RBM28: variants seen among roughly 807,000 people sequenced by gnomAD.
The protein encoded by RBM28 is RNA binding motif protein 28.
Under a neutral mutation model 98.3 loss-of-function variants are expected in RBM28, and 78 were observed. The ratio of observed to expected loss-of-function variants is 0.79; its 90% CI spans 0.66 to 0.96. The LOEUF (loss-of-function observed/expected upper bound fraction) is 0.96. Among genes scored for constraint, RBM28 ranks in the 40% least tolerant of loss-of-function variants. RBM28 has a pLI of 0.00. For synonymous variants in RBM28, 306 were observed against 330.9 expected, an observed-to-expected ratio of 0.92 and a Z score of 0.82; for missense variants, 838 against 913.0, an observed-to-expected ratio of 0.92 and a Z score of 1.06.
chr7:128,322,209 T>C (rs1438283960), intron 13 of RBM28, among the ~76,000 whole-genome samples: 1 of 152,214 alleles, frequency 6.6e-6, no homozygotes, highest in African/African-American at 2.4e-5. Context: ...CTTGACAGAA[T>C]GCTGTGTTGT....
At chr7:128,329,614 C>T (rs1362400194) in intron 10 of RBM28, among the ~76,000 whole-genome samples, 4 of 152,116 alleles carry the variant, frequency 2.6e-5, no homozygotes, top group South Asian at 2.1e-4. Flanking sequence ...AAGAACTTAA[C>T]GCCGGGCGCG....
chr7:128,323,389 C>T (rs1438373503), intron 13 of RBM28, 138 bp downstream of exon 13: 3 of 973,972 alleles, frequency 3.1e-6, no homozygotes, highest in Admixed American at 1.7e-5. Context: ...CACCTATGTG[C>T]TTTTCTCCCT....
intron 18 of RBM28, 84 bp from the exon 19 acceptor site, chr7:128,311,015 A>G: frequency 1.5e-6 from 2 of 1,370,926 alleles, no homozygotes; most frequent in South Asian, 2.3e-5. Flanking sequence ...CAAGAGAGAA[A>G]GTAAGTGGGA....
At chr7:128,312,502 G>A (rs1394170419) in intron 18 of RBM28, among the ~76,000 whole-genome samples, 1 of 152,120 alleles carries the variant, frequency 6.6e-6, no homozygotes, top group Admixed American at 6.5e-5. Flanking sequence ...CAAGTTAAAT[G>A]ACACCACAAA....
rs1319804757 is a variant in RBM28, at chr7:128,315,082, A to C, written c.1789-62T>G. 3 of 1,601,976 alleles carry C rather than the reference A, an allele frequency of 1.9e-6. No individual in the cohort carries two copies. In the African/African-American group the frequency reaches 4.0e-5, roughly 21 times the overall value. On this transcript the variant is annotated intron_variant, in intron 16 of 18. Transcript: ENST00000223073. Reference sequence around the variant, plus strand: ...TGAGCTTTGTTTGCTGCAAATACTCAGCAGAAGATGAGCTTTATGTGAGCT... The same window carrying C: ...TGAGCTTTGTTTGCTGCAAATACTCCGCAGAAGATGAGCTTTATGTGAGCT...
Position 128,339,640 on chromosome 7 carries a change from C to G in RBM28, c.270G>C (p.Gly90=). The change falls in exon 2 of 19, where the codon GGG becomes GGC. Residue 90 remains glycine (G), a synonymous_variant. Coordinates refer to ENST00000223073, the MANE Select transcript of RBM28 (RefSeq NM_018077.3). ...CAATTACTAGAAACTCACCATTTTT[C>G]CCCTTTTCCTTTGTCTTGTTCCTCA... ...KKLRNKTKEK[G]KNENSECPKK... is the part of the protein sequence containing the mutation. The G allele has an allele frequency of 6.2e-7, 1 of 1,613,998 alleles. No homozygotes were observed. The highest frequency in any genetic ancestry group is 8.5e-7 in the Non-Finnish European group (1 of 1,179,890).
At chr7:128,338,608 T>C in intron 4 of RBM28, 118 bp downstream of exon 4, 1 of 824,262 alleles carries the variant, frequency 1.2e-6, no homozygotes, top group South Asian at 1.5e-5. Flanking sequence ...AAAACCATTA[T>C]TTGGGTTTTC....
At chr7:128,311,452 G>A (rs1475309138) in intron 18 of RBM28, among the ~76,000 whole-genome samples, 1 of 152,094 alleles carries the variant, frequency 6.6e-6, no homozygotes, top group African/African-American at 2.4e-5. Context: ...CAAGAATGTA[G>A]GACCACCGTT....
In RBM28 at chr7:128,325,905, C is replaced by T. The variant is rs1248510713; in HGVS notation, c.1130-14G>A. On this transcript the variant is annotated splice_polypyrimidine_tract_variant and intron_variant, in intron 10 of 18. Coordinates refer to ENST00000223073, the MANE Select transcript of RBM28 (RefSeq NM_018077.3). ...CAAATGCACAACCTGCACAAGGAGA[C>T]ACAATTCAGTGAGATCCCAAACTCC... 12 of 1,609,640 alleles carry T rather than the reference C, an allele frequency of 7.5e-6. No individual in the cohort carries two copies. The highest frequency in any genetic ancestry group is 1.0e-5 in the Non-Finnish European group (12 of 1,176,230).
chr7:128,337,123 C>T lies in RBM28; in HGVS notation c.613+8G>A, dbSNP rs1796617572. On this transcript the variant is annotated splice_region_variant and intron_variant, in intron 6 of 18. Transcript: ENST00000223073. ...CGCCCCTACTCACCCAACACTACCA[C>T]ATCTTACCTATAGCAGAAACAGACT... The T allele has an allele frequency of 6.2e-7, 1 of 1,613,806 alleles. No homozygotes were observed. Among genetic ancestry groups the T allele is most frequent in the Non-Finnish European group, 8.5e-7 (1 of 1,179,808 alleles).
chr7:128,319,753 G>A (rs187620276), intron 14 of RBM28, among the ~76,000 whole-genome samples: 173 of 152,264 alleles, frequency 1.1e-3, no homozygotes, highest in Non-Finnish European at 2.0e-3. Flanking sequence ...ACAGTTTGAG[G>A]CCAGGGTAAT....
rs551786915 is a variant in RBM28, at chr7:128,324,870, C to A, written c.1204-176G>T. ...CTCTACTAAAAATACAAAAATTAGC[C>A]GGGCATGGTGGTGTGCGCCTGTAAT... On this transcript the variant is annotated intron_variant, in intron 11 of 18. Coordinates refer to ENST00000223073, the MANE Select transcript of RBM28 (RefSeq NM_018077.3). Among the ~76,000 whole-genome samples the A allele has an allele frequency of 5.3e-5, 8 of 152,070 alleles. 1 individual carries two copies. The highest frequency in any genetic ancestry group is 2.9e-5 in the Non-Finnish European group (2 of 67,984).
chr7:128,319,065 TGGTA>T (rs1796166806), intron 14 of RBM28, among the ~76,000 whole-genome samples: 1 of 152,188 alleles, frequency 6.6e-6, no homozygotes, highest in African/African-American at 2.4e-5. Context: ...CACCAAAGTA[TGGTA>T]GGATTTTTCG....
Position 128,314,925 on chromosome 7 carries a change from T to G in RBM28, c.1884A>C (p.Thr628=). 3 of 1,614,244 alleles carry G rather than the reference T, an allele frequency of 1.9e-6. No individual in the cohort carries two copies. The highest frequency in any genetic ancestry group is 1.7e-6 in the Non-Finnish European group (2 of 1,180,040). The change falls in exon 17 of 19, where the codon ACA becomes ACC. Residue 628 remains threonine (T), a synonymous_variant. Transcript: ENST00000223073. Reference sequence around the variant, plus strand: ...CTGGGGGCACCTTGCTTTGTTCCTCTGTGTGGTGTTGAGCTGCCTTCTGTT... The same window carrying G: ...CTGGGGGCACCTTGCTTTGTTCCTCGGTGTGGTGTTGAGCTGCCTTCTGTT... The part of the protein sequence containing the change: ...DQQQKAAQHH[T]EEQSKVPPEQ...
chr7:128,338,341 A>G lies in RBM28; in HGVS notation c.450T>C (p.Asp150=). 2 of 1,613,464 alleles carry G rather than the reference A, an allele frequency of 1.2e-6. No homozygotes were observed. Among genetic ancestry groups the G allele is most frequent in the South Asian group, 1.1e-5 (1 of 91,070 alleles). The stretch of plus-strand genomic sequence containing the variant: ...CAAAACCAAAACCGCGCATCTTCCC[A>G]TCTGTGTGCAAATGCACAAAGAAAG... The part of the protein sequence containing the change: ...VLEVNIPRKP[D]GKMRGFGFVQ... The change falls in exon 5 of 19, where the codon GAT becomes GAC. Residue 150 remains aspartate (D), a splice_region_variant and synonymous_variant. Coordinates refer to ENST00000223073, the MANE Select transcript of RBM28 (RefSeq NM_018077.3).
At chr7:128,337,542 C>T (rs1054620417) in intron 5 of RBM28, among the ~76,000 whole-genome samples, 1 of 148,668 alleles carries the variant, frequency 6.7e-6, no homozygotes, top group Non-Finnish European at 1.5e-5. Flanking sequence ...GAAGCTAGGA[C>T]ATCTCTACGG....
chr7:128,316,063 CTTTCACCT>C (rs200791299), intron 16 of RBM28, among the ~76,000 whole-genome samples: 36,980 of 151,854 alleles, frequency 0.24, 4,671 homozygotes, highest in Non-Finnish European at 0.29. Flanking sequence ...TTGTTCTTCC[CTTTCACCT>C]TAGAAATCTA....
At position 128,310,705 on chromosome 7, in the gene RBM28, T is replaced by C; in HGVS notation, c.*92A>G. ...TGGCAGTGCCCTTGGGGATTTTCTT[T>C]CCCTCAGTGAGAGACACGGGGGATG... On this transcript the variant is annotated 3_prime_UTR_variant, in exon 19 of 19. Coordinates refer to ENST00000223073, the MANE Select transcript of RBM28 (RefSeq NM_018077.3). 4 of 1,538,782 alleles carry C rather than the reference T, an allele frequency of 2.6e-6. No homozygotes were observed. The highest frequency in any genetic ancestry group is 1.7e-4 in the Middle Eastern group (1 of 5,936).
intron 8 of RBM28, among the ~76,000 whole-genome samples, chr7:128,334,539 T>A (rs1796555747): frequency 6.6e-6 from 1 of 152,168 alleles, no homozygotes. Flanking sequence ...TGAAATGGAA[T>A]CAGAATAAAA....
Sources: gnomAD v4.1 joint callset for allele counts (sites outside exome capture counted in the v4.1 genomes callset) on GRCh38, gnomAD v4.1.1 for gene constraint, MANE v1.5 for transcripts, NCBI Gene and HGNC (gene_info 2026-07-23, HGNC 2026-07-21) for gene names.